Variants in OLA1 observed in about 807,000 individuals in gnomAD.
OLA1 encodes Obg like ATPase 1.
A neutral mutation model predicts 48.4 loss-of-function variants in OLA1; 14 were observed. The ratio of observed to expected loss-of-function variants is 0.29; its 90% confidence interval spans 0.19 to 0.45. OLA1 has a LOEUF of 0.45. Ranked by LOEUF, OLA1 falls within the 20% of genes least tolerant of loss-of-function variation. OLA1 has a pLI of 1.00. For missense variants in OLA1, 325 were observed against 467.1 expected, an observed-to-expected ratio of 0.70 and a Z score of 2.80; for synonymous variants, 127 against 150.4, an observed-to-expected ratio of 0.84 and a Z score of 1.14.
chr2:174,079,741 G>T (rs1684819778), intron 9 of OLA1, among the ~76,000 whole-genome samples: 1 of 151,774 alleles, frequency 6.6e-6, no homozygotes, highest in South Asian at 2.1e-4. Context: ...ACATAACCAT[G>T]GAAAGAAATT....
chr2:174,197,535 A>AG (rs902654296), intron 4 of OLA1, among the ~76,000 whole-genome samples: 1 of 152,072 alleles, frequency 6.6e-6, no homozygotes, highest in African/African-American at 2.4e-5. Context: ...AATGAAGCCC[A>AG]GGGGGGAAAA....
chr2:174,239,035 A>C (rs536924526), intron 2 of OLA1, among the ~76,000 whole-genome samples: 78 of 152,324 alleles, frequency 5.1e-4, no homozygotes, highest in African/African-American at 1.8e-3. Flanking sequence ...CAAATACATG[A>C]ATAAATGGGA....
intron 4 of OLA1, among the ~76,000 whole-genome samples, chr2:174,154,193 T>C (rs1026102897): frequency 5.9e-5 from 9 of 152,214 alleles, no homozygotes; most frequent in African/African-American, 1.9e-4. Flanking sequence ...TGAATTAATA[T>C]TGAGATTCTG....
chr2:174,236,721 C>G (rs1291161085), intron 2 of OLA1, among the ~76,000 whole-genome samples: 1 of 152,178 alleles, frequency 6.6e-6, no homozygotes, highest in African/African-American at 2.4e-5. Flanking sequence ...TGCTTCTAGG[C>G]TAAACCTGTA....
chr2:174,217,714 G>A (rs189224452), intron 4 of OLA1, among the ~76,000 whole-genome samples: 31 of 152,120 alleles, frequency 2.0e-4, no homozygotes, highest in Non-Finnish European at 3.1e-4. Context: ...CCAGGCTACC[G>A]TGATCTGCTT....
intron 7 of OLA1, among the ~76,000 whole-genome samples, chr2:174,103,906 C>G (rs1685455475): frequency 6.6e-6 from 1 of 152,058 alleles, no homozygotes. Flanking sequence ...AAGGCAGTCA[C>G]ACAAGGTGTT....
At chr2:174,126,960 T>C (rs1309598197) in intron 5 of OLA1, among the ~76,000 whole-genome samples, 1 of 152,240 alleles carries the variant, frequency 6.6e-6, no homozygotes, top group East Asian at 1.9e-4. Flanking sequence ...CTTAACATTC[T>C]GCAAGAACTA....
chr2:174,231,992 C>T (rs1688738568), intron 2 of OLA1, among the ~76,000 whole-genome samples: 1 of 152,004 alleles, frequency 6.6e-6, no homozygotes, highest in Non-Finnish European at 1.5e-5. Context: ...CCCTAGATCC[C>T]TTGAGGTTAA....
chr2:174,111,929 AT>A (rs1460298005), intron 7 of OLA1, among the ~76,000 whole-genome samples: 1 of 152,212 alleles, frequency 6.6e-6, no homozygotes, highest in East Asian at 1.9e-4. Context: ...TGTCCCTACA[AT>A]GGCTATTAAA....
intron 7 of OLA1, among the ~76,000 whole-genome samples, chr2:174,095,333 T>G (rs1223194124): frequency 1.7e-5 from 2 of 115,086 alleles, no homozygotes; most frequent in Non-Finnish European, 4.1e-5. Context: ...CTGTTTTTTT[T>G]TTTTTTTTTT....
At chr2:174,095,338 TTTTTTTTTTTTG>T (rs1259647256) in intron 7 of OLA1, among the ~76,000 whole-genome samples, 6 of 124,776 alleles carry the variant, frequency 4.8e-5, no homozygotes, top group East Asian at 4.1e-4. Context: ...TTTTTTTTTT[TTTTTTTTTTTTG>T]TTGTTGTTGT....
chr2:174,096,973 T>G (rs934254728), intron 7 of OLA1, among the ~76,000 whole-genome samples: 4 of 152,058 alleles, frequency 2.6e-5, no homozygotes, highest in African/African-American at 9.7e-5. Flanking sequence ...CTGGCCAACA[T>G]GGCGAAACCC....
At chr2:174,187,783 G>T (rs186163161) in intron 4 of OLA1, among the ~76,000 whole-genome samples, 3 of 152,188 alleles carry the variant, frequency 2.0e-5, no homozygotes, top group Non-Finnish European at 4.4e-5. Context: ...AGAGGCAGGG[G>T]TATGGAAGGT....
intron 5 of OLA1, among the ~76,000 whole-genome samples, chr2:174,130,621 T>G (rs1686159178): frequency 6.6e-6 from 1 of 152,174 alleles, no homozygotes; most frequent in African/African-American, 2.4e-5. Flanking sequence ...CTATGATTCC[T>G]GAAAATAAGT....
At chr2:174,122,915 T>C (rs1273540195) in intron 7 of OLA1, among the ~76,000 whole-genome samples, 2 of 152,160 alleles carry the variant, frequency 1.3e-5, no homozygotes. Context: ...TAAACGATAA[T>C]GTCTAATAAA....
intron 7 of OLA1, among the ~76,000 whole-genome samples, chr2:174,104,921 G>A (rs1024753567): frequency 6.6e-6 from 1 of 151,930 alleles, no homozygotes; most frequent in Admixed American, 6.6e-5. Context: ...AGATTCAGCA[G>A]TTCTCAATCG....
At chr2:174,117,511 A>G (rs1685811389) in intron 7 of OLA1, among the ~76,000 whole-genome samples, 1 of 152,204 alleles carries the variant, frequency 6.6e-6, no homozygotes, top group African/African-American at 2.4e-5. Flanking sequence ...TTTTCTTTAT[A>G]GAAACAATAT....
In OLA1 at chr2:174,074,730, G is replaced by C. The variant is rs1321731904; in HGVS notation, c.*696C>G. 2.0e-5 allele frequency: 3 copies of C among 152,402 alleles called. No homozygotes were observed. Among genetic ancestry groups the C allele is most frequent in the Admixed American group, 6.6e-5 (1 of 15,254 alleles). The allele number at this position is 152,402 out of a possible 1,614,324, so 9.4% of individuals were successfully genotyped here. A position where few individuals can be genotyped will look rare whatever the true frequency, so the allele number is the denominator to read the frequency against. ...GACAGAATTTTCTTCTTTGTGGTCAGTCACCTATCTCATATCCCTCATAAT... is the reference window on the plus strand; with the variant it reads ...GACAGAATTTTCTTCTTTGTGGTCACTCACCTATCTCATATCCCTCATAAT... On this transcript the variant is annotated 3_prime_UTR_variant, in exon 11 of 11. Coordinates refer to ENST00000284719, the MANE Select transcript of OLA1 (RefSeq NM_013341.5).
At chr2:174,200,796 G>C (rs1019465043) in intron 4 of OLA1, among the ~76,000 whole-genome samples, 5 of 152,026 alleles carry the variant, frequency 3.3e-5, no homozygotes, top group Non-Finnish European at 7.4e-5. Flanking sequence ...CAAGGAGTAA[G>C]GGGAGGAGGC....
Sources: gnomAD v4.1 joint callset for allele counts (sites outside exome capture counted in the v4.1 genomes callset) on GRCh38, gnomAD v4.1.1 for gene constraint, MANE v1.5 for transcripts, NCBI Gene and HGNC (gene_info 2026-07-23, HGNC 2026-07-21) for gene names.